Variants in KPNA6 observed in about 807,000 individuals in gnomAD.
The protein encoded by KPNA6 is karyopherin subunit alpha 6, also known as importin subunit alpha-7.
Under a neutral mutation model 72.0 loss-of-function variants are expected in KPNA6, and 9 were observed. The ratio of observed to expected loss-of-function variants is 0.13; its 90% CI spans 0.08 to 0.22. The LOEUF is 0.22. Among genes scored for constraint, KPNA6 ranks in the 10% least tolerant of loss-of-function variants. KPNA6 has a pLI of 1.00. For synonymous variants in KPNA6, 219 were observed against 242.1 expected (o/e 0.90, Z 0.89); for missense variants, 374 against 655.7 (o/e 0.57, Z 4.69).
rs1352239068 is a variant in KPNA6, at chr1:32,154,770, C to CCTAT, written c.138+50_138+53dup. The CCTAT allele has an allele frequency of 5.6e-6, 9 of 1,604,350 alleles. No individual in the cohort carries two copies. In the Admixed American group the frequency reaches 1.5e-4, roughly 27 times the overall value. ...AACATACTATTCTGGGAAACAAGCC[C>CCTAT]CTATGGTTGGCCTCCACCATGCACC... On this transcript the variant is annotated intron_variant, in intron 2 of 13. Transcript: ENST00000373625.
rs750083586 is a variant in KPNA6, at chr1:32,156,813, G to A, written c.139-40G>A. On this transcript the variant is annotated intron_variant, in intron 2 of 13. Transcript: ENST00000373625. ...ATTGGATTGTTCTTTGTTTTCTTTG[G>A]TTCAGAGAGTACTCTTAACCACTGT... The A allele has an allele frequency of 3.5e-6, 5 of 1,443,458 alleles. No individual in the cohort carries two copies. In the Admixed American group the frequency reaches 6.7e-5, roughly 19 times the overall value. The allele number at this position is 1,443,458 out of a possible 1,614,324, so 89.4% of individuals were successfully genotyped here. A position where few individuals can be genotyped will look rare whatever the true frequency, so the allele number is the denominator to read the frequency against.
chr1:32,128,387 TTATATATATATATATA>T lies in KPNA6; in HGVS notation c.4+20278_4+20293del, dbSNP rs67312157. On this transcript the variant is annotated intron_variant, in intron 1 of 13. Coordinates refer to ENST00000373625, the MANE Select transcript of KPNA6 (RefSeq NM_012316.5). Reference sequence around the variant, plus strand: ...TATATTTTTTATATTATATATGTATTTATATATATATATATATATATATATATATATATATATATAC... The same window carrying T: ...TATATTTTTTATATTATATATGTATTTATATATATATATATATATATATAC... Among the ~76,000 whole-genome samples the T allele has an allele frequency of 1.3e-3, 93 of 72,170 alleles. 2 individuals carry two copies. Among genetic ancestry groups the T allele is most frequent in the African/African-American group, 3.0e-3 (63 of 21,266 alleles). 47.3% of individuals were successfully genotyped at this position (72,170 alleles called of 152,430 possible). A position where few individuals can be genotyped will look rare whatever the true frequency, so the allele number is the denominator to read the frequency against.
At chr1:32,109,224 A>G (rs550254930) in intron 1 of KPNA6, among the ~76,000 whole-genome samples, 4 of 152,262 alleles carry the variant, frequency 2.6e-5, no homozygotes, top group African/African-American at 9.6e-5. Flanking sequence ...GCTGGAGTGC[A>G]GTGACGCGAT....
At chr1:32,164,530 C>T (rs1570070437) in intron 10 of KPNA6, among the ~76,000 whole-genome samples, 1 of 151,898 alleles carries the variant, frequency 6.6e-6, no homozygotes, top group Non-Finnish European at 1.5e-5. Flanking sequence ...CACAGCCTTG[C>T]CAACAGTTGT....
At chr1:32,152,363 C>T (rs1304007693) in intron 1 of KPNA6, among the ~76,000 whole-genome samples, 1 of 151,948 alleles carries the variant, frequency 6.6e-6, no homozygotes, top group African/African-American at 2.4e-5. Flanking sequence ...AACATGATGA[C>T]AACTTAATTT....
intron 10 of KPNA6, among the ~76,000 whole-genome samples, chr1:32,164,721 A>G (rs2124086139): frequency 7.0e-6 from 1 of 142,274 alleles, no homozygotes; most frequent in African/African-American, 2.7e-5. Flanking sequence ...ATGTCTATTC[A>G]AGTCTTTTGC....
rs554428967 is a variant in KPNA6 at position 32,135,498 on chromosome 1, A to AT, written c.5-19073dup. ...CAGGCGTGAGCCACCATGCTTGGCC[A>AT]TTTTTTTTTTTTTTTTTAGAGGCAG... On this transcript the variant is annotated intron_variant, in intron 1 of 13. Transcript: ENST00000373625. 6.0e-3 allele frequency among the ~76,000 whole-genome samples: 752 copies of AT among 125,546 alleles called. 3 individuals carry two copies. Among genetic ancestry groups the AT allele is most frequent in the African/African-American group, 9.5e-3 (317 of 33,528 alleles). The allele number at this position is 125,546 out of a possible 152,430, so 82.4% of individuals were successfully genotyped here. A position where few individuals can be genotyped will look rare whatever the true frequency, so the allele number is the denominator to read the frequency against.
At position 32,131,937 on chromosome 1, in the gene KPNA6, A is replaced by G. The variant is rs551594481; in HGVS notation, c.5-22651A>G. Among the ~76,000 whole-genome samples the G allele has an allele frequency of 3.2e-4, 49 of 150,828 alleles. No homozygotes were observed. The South Asian group carries it at 6.1e-3, about 19-fold the overall frequency. ...TTTCACTTTCTTGATGGTGTCTTTTATTTACTTTTTATTTTTTATATTTAT... is the reference window on the plus strand; with the variant it reads ...TTTCACTTTCTTGATGGTGTCTTTTGTTTACTTTTTATTTTTTATATTTAT... On this transcript the variant is annotated intron_variant, in intron 1 of 13. Coordinates refer to ENST00000373625, the MANE Select transcript of KPNA6 (RefSeq NM_012316.5).
intron 10 of KPNA6, among the ~76,000 whole-genome samples, chr1:32,164,923 AGTCT>A (rs1452208951): frequency 1.3e-5 from 2 of 152,064 alleles, no homozygotes; most frequent in East Asian, 3.9e-4. Flanking sequence ...ATTGAGACAG[AGTCT>A]GTCTTTGTCA....
intron 1 of KPNA6, among the ~76,000 whole-genome samples, chr1:32,114,461 T>A (rs1250478087): frequency 2.0e-4 from 30 of 148,516 alleles, no homozygotes; most frequent in African/African-American, 7.0e-4. Flanking sequence ...AATATATATA[T>A]ATATATATAT....
At chr1:32,130,525 C>T (rs780471967) in intron 1 of KPNA6, among the ~76,000 whole-genome samples, 5 of 152,102 alleles carry the variant, frequency 3.3e-5, no homozygotes, top group Admixed American at 1.3e-4. Context: ...GGGTCTCATG[C>T]CTGTAATCCC....
intron 1 of KPNA6, among the ~76,000 whole-genome samples, chr1:32,150,671 G>C (rs1642015301): frequency 6.6e-6 from 1 of 151,920 alleles, no homozygotes; most frequent in Non-Finnish European, 1.5e-5. Context: ...TCTGTCACCA[G>C]GCTGGAGTGC....
chr1:32,153,941 GT>G (rs1557477465), intron 1 of KPNA6, among the ~76,000 whole-genome samples: 1 of 152,132 alleles, frequency 6.6e-6, no homozygotes. Context: ...GAGGTCAGGA[GT>G]TTGAGACCAG....
At chr1:32,127,223 A>G (rs1352065356) in intron 1 of KPNA6, among the ~76,000 whole-genome samples, 2 of 152,224 alleles carry the variant, frequency 1.3e-5, no homozygotes, top group East Asian at 3.8e-4. Context: ...CTTGGAACTC[A>G]GTTCACCTGA....
chr1:32,136,859 G>A (rs557589654), intron 1 of KPNA6, among the ~76,000 whole-genome samples: 10 of 152,206 alleles, frequency 6.6e-5, no homozygotes, highest in Non-Finnish European at 1.5e-4. Flanking sequence ...TACTGCCAGC[G>A]TTTCTGGTTT....
chr1:32,143,572 TAA>T (rs1304994281), intron 1 of KPNA6, among the ~76,000 whole-genome samples: 13 of 104,340 alleles, frequency 1.2e-4, no homozygotes, highest in African/African-American at 4.9e-4. Flanking sequence ...GATTCTGTCT[TAA>T]AAAAAAAAAA....
intron 11 of KPNA6, among the ~76,000 whole-genome samples, chr1:32,166,624 CAAAAAA>C (rs561653103): frequency 1.0e-4 from 4 of 39,046 alleles, no homozygotes; most frequent in African/African-American, 3.0e-4. Context: ...GACTCCGTCT[CAAAAAA>C]AAAAAAAAAA....
chr1:32,145,336 T>G (rs1159697992), intron 1 of KPNA6, among the ~76,000 whole-genome samples: 11 of 151,484 alleles, frequency 7.3e-5, no homozygotes, highest in Admixed American at 2.0e-4. Context: ...TTCTTTTTTT[T>G]TTTTTTGGAG....
intron 1 of KPNA6, among the ~76,000 whole-genome samples, chr1:32,140,694 G>A (rs1422098301): frequency 6.6e-6 from 1 of 152,172 alleles, no homozygotes; most frequent in African/African-American, 2.4e-5. Flanking sequence ...ATGAAAAAAT[G>A]CACTCACAAG....
Sources: allele counts gnomAD v4.1 joint callset (sites outside exome capture counted in the v4.1 genomes callset), GRCh38; gene constraint gnomAD v4.1.1; transcripts MANE v1.5; gene names NCBI Gene and HGNC (gene_info 2026-07-23, HGNC 2026-07-21).